HK1: variants seen among roughly 807,000 people sequenced by gnomAD.
HK1 encodes hexokinase 1.
A neutral mutation model predicts 91.6 loss-of-function variants in HK1; 28 were observed. The ratio of observed to expected loss-of-function variants is 0.31; its 90% CI spans 0.23 to 0.42. The LOEUF (loss-of-function observed/expected upper bound fraction) is 0.42. Ranked by LOEUF, HK1 falls within the 10% of genes least tolerant of loss-of-function variation. The pLI, the probability that HK1 is intolerant of heterozygous loss-of-function variation, is 1.00. For missense variants in HK1, 770 were observed against 1,219.8 expected (o/e 0.63, Z 5.49); for synonymous variants, 430 against 468.1 (o/e 0.92, Z 1.05).
chr10:69,383,383 TA>T (rs1839486941), intron 10 of HK1, among the ~76,000 whole-genome samples: 1 of 152,226 alleles, frequency 6.6e-6, no homozygotes, highest in Non-Finnish European at 1.5e-5. Context: ...CCCTTTATGC[TA>T]ACCTTGGTAG....
At chr10:69,368,676 G>A (rs747658695) in intron 5 of HK1, 45 bp downstream of exon 5, 4 of 1,464,580 alleles carry the variant, frequency 2.7e-6, no homozygotes, top group South Asian at 2.3e-5. Flanking sequence ...AGGGGTGTGG[G>A]GAGCAGGGCT....
At chr10:69,316,459 G>A (rs1002071334), upstream of HK1, among the ~76,000 whole-genome samples, 1 of 152,236 alleles carries the variant, frequency 6.6e-6, no homozygotes, top group African/African-American at 2.4e-5. Context: ...GGAGTTGGGA[G>A]GTGGCAATAG....
chr10:69,311,465 C>A (rs1425491210), upstream of HK1, among the ~76,000 whole-genome samples: 1 of 152,136 alleles, frequency 6.6e-6, no homozygotes, highest in African/African-American at 2.4e-5. Flanking sequence ...GGAGAACTAT[C>A]CCAGGAAACT....
At chr10:69,384,230 T>G in intron 10 of HK1, 103 bp from the exon 11 acceptor site, 1 of 1,381,388 alleles carries the variant, frequency 7.2e-7, no homozygotes, top group Admixed American at 1.7e-5. Context: ...TCCTCTATGT[T>G]TGCTATGGGG....
chr10:69,395,154 C>A (rs760261055), intron 16 of HK1, 49 bp downstream of exon 16: 3 of 1,593,424 alleles, frequency 1.9e-6, no homozygotes, highest in Non-Finnish European at 2.6e-6. Context: ...CAGAGGTCGC[C>A]TGGCTGGTGG....
At chr10:69,302,903 G>A (rs183224739) in intron 5 of HK1, among the ~76,000 whole-genome samples, 45 of 152,250 alleles carry the variant, frequency 3.0e-4, no homozygotes, top group African/African-American at 1.1e-3. Flanking sequence ...GATGATGGCA[G>A]ATTTTCAGCA....
chr10:69,288,633 C>A (rs1472179157), intron 2 of HK1: 9 of 977,162 alleles, frequency 9.2e-6, no homozygotes, highest in Middle Eastern at 2.1e-4. Context: ...ACCGACAATC[C>A]TCTGACCCTG....
chr10:69,401,275 G>T lies in HK1; in HGVS notation c.*140G>T, dbSNP rs1840378884. 2.3e-6 allele frequency: 2 copies of T among 868,302 alleles called. No individual in the cohort carries two copies. Among genetic ancestry groups the T allele is most frequent in the South Asian group, 2.9e-5 (2 of 69,470 alleles). 53.8% of individuals were successfully genotyped at this position (868,302 alleles called of 1,614,324 possible). A position where few individuals can be genotyped will look rare whatever the true frequency, so the allele number is the denominator to read the frequency against. On this transcript the variant is annotated 3_prime_UTR_variant, in exon 18 of 18. Transcript: ENST00000359426. ...GGGAGGAAAGCAAAATCCAACTAAT[G>T]GTATATATTGTAGGGTACAGAATAG... is the stretch of plus-strand genomic sequence containing the variant.
At chr10:69,364,203 A>G (rs1849578856) in intron 3 of HK1, among the ~76,000 whole-genome samples, 1 of 152,188 alleles carries the variant, frequency 6.6e-6, no homozygotes, top group Non-Finnish European at 1.5e-5. Flanking sequence ...TGCTGGTTAC[A>G]TGGATAGCTG....
At position 69,286,569 on chromosome 10, in the gene HK1, A is replaced by G. The variant is rs187396863; in HGVS notation, c.-214-2102A>G. Among the ~76,000 whole-genome samples, 743 of 149,614 alleles carry G rather than the reference A, an allele frequency of 5.0e-3. 2 individuals carry two copies. The highest frequency in any genetic ancestry group is 8.9e-3 in the Non-Finnish European group (599 of 67,478). On this transcript the variant is annotated intron_variant, in intron 2 of 21. Transcript: ENST00000360289. ...CGCTTTACTTTTTTTTTTTTTTGAG[A>G]TGGAGTTTCGCTCTCGTTGTCCTGG...
chr10:69,400,427 G>C (rs577454832), intron 17 of HK1, among the ~76,000 whole-genome samples: 12 of 151,404 alleles, frequency 7.9e-5, no homozygotes, highest in African/African-American at 2.9e-4. Flanking sequence ...TCCTGTCTTT[G>C]GGGGCCAGGC....
At chr10:69,293,997 G>GA (rs1372513474) in intron 3 of HK1, among the ~76,000 whole-genome samples, 2 of 151,574 alleles carry the variant, frequency 1.3e-5, no homozygotes, top group African/African-American at 4.9e-5. Context: ...GAGTAGCTGG[G>GA]ACTACAGGCG....
chr10:69,326,276 G>A (rs1847372082), intron 1 of HK1, among the ~76,000 whole-genome samples: 2 of 152,030 alleles, frequency 1.3e-5, no homozygotes, highest in East Asian at 3.8e-4. Flanking sequence ...CATATGTGTA[G>A]GTGTGTGTAT....
In HK1 at chr10:69,379,859, C is replaced by A. The variant is rs113927909; in HGVS notation, c.1032-3C>A. On this transcript the variant is annotated splice_polypyrimidine_tract_variant and splice_region_variant and intron_variant, in intron 8 of 17. Coordinates refer to ENST00000359426, the MANE Select transcript of HK1 (RefSeq NM_000188.3). ...GCATCAGTATTGGCTTCTAACTTCA[C>A]AGGAATAAGGAAGGCCTCCACAATG... The A allele has an allele frequency of 6.2e-7, 1 of 1,605,928 alleles. No individual in the cohort carries two copies. The highest frequency in any genetic ancestry group is 8.5e-7 in the Non-Finnish European group (1 of 1,172,560).
intron 12 of HK1, among the ~76,000 whole-genome samples, 159 bp downstream of exon 12, chr10:69,385,074 G>C (rs545192298): frequency 1.3e-5 from 2 of 152,184 alleles, no homozygotes; most frequent in Admixed American, 1.3e-4. Context: ...AGCCTGCAGG[G>C]CATACTGAGA....
intron 12 of HK1, 115 bp downstream of exon 12, chr10:69,385,030 C>A: frequency 8.8e-7 from 1 of 1,136,074 alleles, no homozygotes; most frequent in Non-Finnish European, 1.3e-6. Context: ...ATGACAGTCA[C>A]AGTCACAGTG....
intron 13 of HK1, among the ~76,000 whole-genome samples, chr10:69,387,625 C>A (rs183197575): frequency 6.6e-6 from 1 of 152,220 alleles, no homozygotes; most frequent in East Asian, 1.9e-4. Context: ...CTCCAGTGAT[C>A]CTCCTGCCTC....
intron 2 of HK1, among the ~76,000 whole-genome samples, chr10:69,345,672 CACAGGGG>C (rs1848512043): frequency 6.6e-6 from 1 of 152,114 alleles, no homozygotes; most frequent in Non-Finnish European, 1.5e-5. Flanking sequence ...TCAGGGCAGA[CACAGGGG>C]AGGAGACACT....
chr10:69,318,286 A>T (rs1286799214), upstream of HK1: 4 of 926,324 alleles, frequency 4.3e-6, no homozygotes, highest in Non-Finnish European at 5.2e-6. Flanking sequence ...CCCGGGTGCG[A>T]GGACTGCGTA....
Sources: gnomAD v4.1 joint callset for allele counts (sites outside exome capture counted in the v4.1 genomes callset) on GRCh38, gnomAD v4.1.1 for gene constraint, MANE v1.5 for transcripts, NCBI Gene and HGNC (gene_info 2026-07-23, HGNC 2026-07-21) for gene names.